RPL36: variants seen among roughly 807,000 people sequenced by gnomAD.
RPL36 encodes the protein ribosomal protein L36.
For synonymous variants in RPL36, 74 were observed against 56.0 expected, an observed-to-expected ratio of 1.32 and a Z score of -1.44; for missense variants, 131 against 144.9, an observed-to-expected ratio of 0.90 and a Z score of 0.49.
At position 5,691,724 on chromosome 19, in the gene RPL36, C is replaced by G; in HGVS notation, c.*103C>G. On this transcript the variant is annotated 3_prime_UTR_variant, in exon 4 of 4. Transcript: ENST00000347512. ...GTGGGTGTGTCGGGGGCCCGCAGTC[C>G]CCTGTCTGGTGCCCGCTCTGAGCCA... 3 of 1,239,224 alleles carry G rather than the reference C, an allele frequency of 2.4e-6. No individual in the cohort carries two copies. Among genetic ancestry groups the G allele is most frequent in the Admixed American group, 2.0e-5 (1 of 50,554 alleles). The allele number at this position is 1,239,224 out of a possible 1,614,324, so 76.8% of individuals were successfully genotyped here.
rs373784961 is a variant in RPL36 at position 5,691,309 on chromosome 19, TC to T, written c.94-4del. The T allele has an allele frequency of 1.9e-6, 3 of 1,610,362 alleles. No homozygotes were observed. Among genetic ancestry groups the T allele is most frequent in the South Asian group, 2.2e-5 (2 of 90,966 alleles). ...CCCCCTACCCTGACGGCCGCCCCTTTCCCCCCTAGCGTCTGACCAAACACAC... is the reference window on the plus strand; with the variant it reads ...CCCCCTACCCTGACGGCCGCCCCTTTCCCCCTAGCGTCTGACCAAACACAC... On this transcript the variant is annotated splice_polypyrimidine_tract_variant and intron_variant, in intron 2 of 3. Transcript: ENST00000347512.
rs755747285 is a variant in RPL36, at chr19:5,691,324, G to A, written c.99G>A (p.Leu33=). 6.2e-7 allele frequency: 1 copy of A among 1,612,690 alleles called. No individual in the cohort carries two copies. Residue 33 remains leucine, a synonymous_variant, in exon 3 of 4, where the codon CTG becomes CTA. Coordinates refer to ENST00000347512, the MANE Select transcript of RPL36 (RefSeq NM_033643.3). ...GCCGCCCCTTTCCCCCCTAGCGTCT[G>A]ACCAAACACACCAAGTTCGTGCGGG... ...KPRHSRRRGR[L]TKHTKFVRDM...
intron 3 of RPL36, 34 bp from the exon 4 acceptor site, chr19:5,691,498 A>G (rs2054819294): frequency 6.2e-7 from 1 of 1,607,646 alleles, no homozygotes; most frequent in African/African-American, 1.3e-5. Context: ...GATGGGAGTC[A>G]GGGCCGGGCT....
intron 1 of RPL36, 47 bp downstream of exon 1, chr19:5,690,374 C>T (rs2054800562): frequency 2.7e-6 from 2 of 735,384 alleles, no homozygotes; most frequent in South Asian, 1.5e-5. Flanking sequence ...TCCGGACTCC[C>T]GGGTCCTCTG....
intron 1 of RPL36, 41 bp from the exon 2 acceptor site, chr19:5,690,465 C>T (rs369359972): frequency 2.1e-6 from 3 of 1,446,230 alleles, no homozygotes; most frequent in Admixed American, 2.0e-5. Context: ...GGAACTGAGC[C>T]GGTACTCACC....
At chr19:5,691,174 A>G in intron 2 of RPL36, 145 bp from the exon 3 acceptor site, 1 of 1,225,006 alleles carries the variant, frequency 8.2e-7, no homozygotes. Context: ...GGCGCGGCGA[A>G]AAGCGCTAGG....
At position 5,690,486 on chromosome 19, in the gene RPL36, C is replaced by T. The variant is rs2054802454; in HGVS notation, c.-2-20C>T. On this transcript the variant is annotated intron_variant, in intron 1 of 3. Coordinates refer to ENST00000347512, the MANE Select transcript of RPL36 (RefSeq NM_033643.3). ...GAGCCGGTACTCACCTCCGCCCCTTCTCCCCGTCGCTGTCCGCAGCCATGG... is the reference window on the plus strand; with the variant it reads ...GAGCCGGTACTCACCTCCGCCCCTTTTCCCCGTCGCTGTCCGCAGCCATGG... The T allele has an allele frequency of 1.3e-6, 2 of 1,539,810 alleles. No homozygotes were observed. Among genetic ancestry groups the T allele is most frequent in the African/African-American group, 1.4e-5 (1 of 72,888 alleles).
chr19:5,691,056 A>G, intron 2 of RPL36: 1 of 578,518 alleles, frequency 1.7e-6, no homozygotes, highest in South Asian at 2.0e-5. Context: ...GAGGGATTTC[A>G]GGTGTGTCAG....
chr19:5,690,386 G>A, intron 1 of RPL36, 59 bp downstream of exon 1: 1 of 780,676 alleles, frequency 1.3e-6, no homozygotes, highest in Non-Finnish European at 2.2e-6. Flanking sequence ...GGTCCTCTGT[G>A]CAGGTTGGAG....
chr19:5,691,293 C>G, intron 2 of RPL36, 26 bp from the exon 3 acceptor site: 1 of 1,612,100 alleles, frequency 6.2e-7, no homozygotes, highest in Non-Finnish European at 8.5e-7. Context: ...TCCCCCTACC[C>G]TGACGGCCGC....
chr19:5,690,456 G>A (rs1405587225), intron 1 of RPL36, 50 bp from the exon 2 acceptor site: 4 of 1,403,614 alleles, frequency 2.8e-6, no homozygotes, highest in Non-Finnish European at 3.9e-6. Context: ...TGGGCCTCGG[G>A]AACTGAGCCG....
intron 2 of RPL36, 174 bp from the exon 3 acceptor site, chr19:5,691,145 G>A (rs2054812469): frequency 2.4e-6 from 2 of 844,746 alleles, no homozygotes; most frequent in South Asian, 1.6e-5. Context: ...GGGACTTAGG[G>A]AGGATGGGAG....
rs1427024916 is a variant in RPL36, at chr19:5,690,300, C to CT, written c.-30_-29insT. Reference sequence around the variant, plus strand: ...GAGTTCCGCGCGGCGCCAGCCCTTCCGCCACGGCCGTCTCTGGAGAGCAGC... The same window carrying CT: ...GAGTTCCGCGCGGCGCCAGCCCTTCCTGCCACGGCCGTCTCTGGAGAGCAGC... On this transcript the variant is annotated 5_prime_UTR_variant, in exon 1 of 4. Coordinates refer to ENST00000347512, the MANE Select transcript of RPL36 (RefSeq NM_033643.3). The CT allele has an allele frequency of 4.6e-5, 28 of 614,068 alleles. No homozygotes were observed. Among genetic ancestry groups the CT allele is most frequent in the Non-Finnish European group, 7.7e-5 (26 of 339,488 alleles). 38.0% of individuals were successfully genotyped at this position (614,068 alleles called of 1,614,324 possible).
chr19:5,691,823 G>A lies in RPL36; in HGVS notation c.*202G>A. The A allele has an allele frequency of 1.2e-6, 1 of 805,174 alleles. No homozygotes were observed. Among genetic ancestry groups the A allele is most frequent in the Non-Finnish European group, 2.0e-6 (1 of 511,444 alleles). The allele number at this position is 805,174 out of a possible 1,614,324, so 49.9% of individuals were successfully genotyped here. A position where few individuals can be genotyped will look rare whatever the true frequency, so the allele number is the denominator to read the frequency against. On this transcript the variant is annotated 3_prime_UTR_variant, in exon 4 of 4. Coordinates refer to ENST00000347512, the MANE Select transcript of RPL36 (RefSeq NM_033643.3). ...CCACCCTTCCCGGGGCAGCAGGTGA[G>A]GAAGCCGCCGTACTGCAAATGACTT...
chr19:5,691,313 C>A lies in RPL36; in HGVS notation c.94-6C>A. 1.2e-6 allele frequency: 2 copies of A among 1,612,466 alleles called. No individual in the cohort carries two copies. Among genetic ancestry groups the A allele is most frequent in the South Asian group, 1.1e-5 (1 of 91,006 alleles). The stretch of plus-strand genomic sequence containing the variant: ...CTACCCTGACGGCCGCCCCTTTCCC[C>A]CCTAGCGTCTGACCAAACACACCAA... On this transcript the variant is annotated splice_polypyrimidine_tract_variant and splice_region_variant and intron_variant, in intron 2 of 3. Coordinates refer to ENST00000347512, the MANE Select transcript of RPL36 (RefSeq NM_033643.3).
rs900942952 is a variant in RPL36 at position 5,690,317 on chromosome 19, G to C, written c.-13G>C. The C allele has an allele frequency of 1.6e-6, 1 of 640,464 alleles. No homozygotes were observed. The highest frequency in any genetic ancestry group is 2.8e-6 in the Non-Finnish European group (1 of 351,882). 39.7% of individuals were successfully genotyped at this position (640,464 alleles called of 1,614,324 possible). A position where few individuals can be genotyped will look rare whatever the true frequency, so the allele number is the denominator to read the frequency against. ...AGCCCTTCCGCCACGGCCGTCTCTG[G>C]AGAGCAGCAGGTAAGTGGTTTCCCG... On this transcript the variant is annotated 5_prime_UTR_variant, in exon 1 of 4. Coordinates refer to ENST00000347512, the MANE Select transcript of RPL36 (RefSeq NM_033643.3).
At position 5,691,266 on chromosome 19, in the gene RPL36, T is replaced by G. The variant is rs2054814319; in HGVS notation, c.94-53T>G. 29 of 1,610,750 alleles carry G rather than the reference T, an allele frequency of 1.8e-5. No individual in the cohort carries two copies. In the South Asian group the frequency reaches 3.2e-4, roughly 18 times the overall value. ...TCGCGGCAGCGCGAGAGAAGCTGCT[T>G]AACTAGAATGCAGGGATCCCCCTAC... On this transcript the variant is annotated intron_variant, in intron 2 of 3. Transcript: ENST00000347512.
rs913299543 is a variant in RPL36 at position 5,691,759 on chromosome 19, C to T, written c.*138C>T. Reference sequence around the variant, plus strand: ...TGCCCGCTCTGAGCCACACCCTCTCCGGGTGCTGCCTGGTCGTGAATCAAA... The same window carrying T: ...TGCCCGCTCTGAGCCACACCCTCTCTGGGTGCTGCCTGGTCGTGAATCAAA... On this transcript the variant is annotated 3_prime_UTR_variant, in exon 4 of 4. Transcript: ENST00000347512. The T allele has an allele frequency of 2.7e-4, 275 of 1,027,426 alleles. 2 individuals carry two copies. The highest frequency in any genetic ancestry group is 1.0e-4 in the East Asian group (4 of 38,452). The allele number at this position is 1,027,426 out of a possible 1,614,324, so 63.6% of individuals were successfully genotyped here. A position where few individuals can be genotyped will look rare whatever the true frequency, so the allele number is the denominator to read the frequency against.
At position 5,691,517 on chromosome 19, in the gene RPL36, C is replaced by A; in HGVS notation, c.229-15C>A. On this transcript the variant is annotated splice_polypyrimidine_tract_variant and intron_variant, in intron 3 of 3. Transcript: ENST00000347512. ...GGAGTCAGGGCCGGGCTGACGGCGG[C>A]CTCGTCCCTGGCAGGTGGGGACGCA... The A allele has an allele frequency of 6.2e-7, 1 of 1,608,986 alleles. No homozygotes were observed. Among genetic ancestry groups the A allele is most frequent in the Non-Finnish European group, 8.5e-7 (1 of 1,176,788 alleles).
Sources: allele counts gnomAD v4.1 joint callset, GRCh38; gene constraint gnomAD v4.1.1; transcripts MANE v1.5; gene names NCBI Gene and HGNC (gene_info 2026-07-23, HGNC 2026-07-21).